RBM47: variants seen among roughly 807,000 people sequenced by gnomAD.
The protein encoded by RBM47 is RNA binding motif protein 47.
Under a neutral mutation model 47.1 loss-of-function variants are expected in RBM47, and 21 were observed. The observed-to-expected ratio is 0.45, with a 90% CI of 0.32 to 0.64. The LOEUF is 0.64. Among genes scored for constraint, RBM47 ranks in the 30% least tolerant of loss-of-function variants. The pLI, the probability that RBM47 is intolerant of heterozygous loss-of-function variation, is 0.05. For missense variants in RBM47, 708 were observed against 870.9 expected (o/e 0.81, Z 2.35); for synonymous variants, 375 against 361.7 (o/e 1.04, Z -0.42).
intron 3 of RBM47, among the ~76,000 whole-genome samples, chr4:40,459,504 T>C (rs534757139): frequency 2.6e-5 from 4 of 152,174 alleles, no homozygotes; most frequent in African/African-American, 9.6e-5. Context: ...AGTTCAAGGC[T>C]GCATTGAGCT....
chr4:40,466,381 T>C (rs1718034450), intron 3 of RBM47, among the ~76,000 whole-genome samples, 196 bp downstream of exon 3: 1 of 151,514 alleles, frequency 6.6e-6, no homozygotes, highest in Admixed American at 6.6e-5. Flanking sequence ...GTCACAAAGA[T>C]GTAAAGTGTA....
chr4:40,602,806 AT>A (rs923734800), intron 1 of RBM47, among the ~76,000 whole-genome samples: 11 of 152,030 alleles, frequency 7.2e-5, no homozygotes, highest in African/African-American at 2.7e-4. Flanking sequence ...AAAAGTTTTT[AT>A]TTTTGCAAAT....
intron 2 of RBM47, among the ~76,000 whole-genome samples, chr4:40,534,796 A>G (rs984737031): frequency 1.3e-5 from 2 of 152,084 alleles, no homozygotes; most frequent in South Asian, 2.1e-4. Flanking sequence ...TTAGCCAGGC[A>G]TGGTGGCGGG....
In RBM47 at chr4:40,438,965, T is replaced by C. The variant is rs1273754930; in HGVS notation, c.-31-41A>G. Reference sequence around the variant, plus strand: ...GAAGCGTGAGTGGGGAACCGCTGGATCTTGCCTCTTTTGGGTTGTGTTTCG... The same window carrying C: ...GAAGCGTGAGTGGGGAACCGCTGGACCTTGCCTCTTTTGGGTTGTGTTTCG... On this transcript the variant is annotated intron_variant, in intron 3 of 6. Coordinates refer to ENST00000295971, the MANE Select transcript of RBM47 (RefSeq NM_001098634.2). The C allele has an allele frequency of 9.7e-6, 14 of 1,437,152 alleles. No homozygotes were observed. The African/African-American group carries it at 1.3e-4, about 13-fold the overall frequency. 89.0% of individuals were successfully genotyped at this position (1,437,152 alleles called of 1,614,324 possible).
chr4:40,573,152 C>CAAAAAA (rs369450436), intron 1 of RBM47, among the ~76,000 whole-genome samples: 2 of 63,892 alleles, frequency 3.1e-5, no homozygotes, highest in African/African-American at 4.6e-5. Context: ...GACTTCATCT[C>CAAAAAA]AAAAAAAAAA....
At chr4:40,515,308 TAG>T (rs1725438451) in intron 2 of RBM47, among the ~76,000 whole-genome samples, 1 of 152,036 alleles carries the variant, frequency 6.6e-6, no homozygotes, top group East Asian at 1.9e-4. Flanking sequence ...AAACTACCTA[TAG>T]AGATTGCTAG....
At chr4:40,474,622 T>A (rs1374803557) in intron 2 of RBM47, among the ~76,000 whole-genome samples, 1 of 152,204 alleles carries the variant, frequency 6.6e-6, no homozygotes, top group Admixed American at 6.5e-5. Context: ...AATGAAATAT[T>A]TAAATACATT....
intron 1 of RBM47, among the ~76,000 whole-genome samples, chr4:40,588,594 T>C (rs1661965245): frequency 6.6e-6 from 1 of 152,168 alleles, no homozygotes; most frequent in South Asian, 2.1e-4. Context: ...GGTATGGTGG[T>C]AGCTAGACTT....
At chr4:40,600,985 CAAA>C (rs56054491) in intron 1 of RBM47, among the ~76,000 whole-genome samples, 7 of 50,128 alleles carry the variant, frequency 1.4e-4, no homozygotes, top group South Asian at 8.5e-4. Context: ...AACTCCGTCT[CAAA>C]AAAAAAAAAA....
chr4:40,499,720 T>G (rs1275267847), intron 2 of RBM47, among the ~76,000 whole-genome samples: 4 of 152,190 alleles, frequency 2.6e-5, no homozygotes, highest in African/African-American at 9.6e-5. Context: ...TTATTAGAAT[T>G]TAAAAAATTA....
At chr4:40,566,415 G>A (rs1260923069) in intron 1 of RBM47, among the ~76,000 whole-genome samples, 3 of 152,144 alleles carry the variant, frequency 2.0e-5, no homozygotes, top group Non-Finnish European at 4.4e-5. Flanking sequence ...GGGAGGCTGA[G>A]GTGGGTGGAT....
intron 1 of RBM47, among the ~76,000 whole-genome samples, chr4:40,607,425 G>A (rs1490713343): frequency 6.6e-6 from 1 of 152,134 alleles, no homozygotes; most frequent in East Asian, 1.9e-4. Flanking sequence ...TCTGGAATAG[G>A]GCGGAGCATG....
intron 1 of RBM47, among the ~76,000 whole-genome samples, chr4:40,608,358 C>T (rs6837415): frequency 0.28 from 43,124 of 151,900 alleles, 7,521 homozygotes; most frequent in Non-Finnish European, 0.37. Context: ...CTCAGCAGAG[C>T]GACCAATAGG....
At chr4:40,510,632 C>T (rs1483433337) in intron 2 of RBM47, among the ~76,000 whole-genome samples, 1 of 152,028 alleles carries the variant, frequency 6.6e-6, no homozygotes, top group Non-Finnish European at 1.5e-5. Flanking sequence ...CAGAGTGAGC[C>T]ATTAGTAAGT....
chr4:40,483,527 T>C (rs1440867997), intron 2 of RBM47, among the ~76,000 whole-genome samples: 1 of 152,152 alleles, frequency 6.6e-6, no homozygotes, highest in Non-Finnish European at 1.5e-5. Flanking sequence ...TGCTTTTCTG[T>C]TTTTTAAGAT....
At chr4:40,469,433 ATT>A (rs55864514) in intron 2 of RBM47, among the ~76,000 whole-genome samples, 2,150 of 128,746 alleles carry the variant, frequency 0.017, 44 homozygotes, top group African/African-American at 0.054. Context: ...CCATTCCATA[ATT>A]TTTTTTTTTT....
At chr4:40,538,862 T>C (rs2154261285) in intron 2 of RBM47, among the ~76,000 whole-genome samples, 1 of 152,184 alleles carries the variant, frequency 6.6e-6, no homozygotes, top group African/African-American at 2.4e-5. Flanking sequence ...TTCGAACTCC[T>C]GACCTCAAAA....
At chr4:40,453,671 C>A (rs1715790636) in intron 3 of RBM47, among the ~76,000 whole-genome samples, 1 of 152,038 alleles carries the variant, frequency 6.6e-6, no homozygotes, top group Non-Finnish European at 1.5e-5. Context: ...GGATACTGTC[C>A]CACCCCATGT....
chr4:40,460,509 C>T (rs530680097), intron 3 of RBM47, among the ~76,000 whole-genome samples: 1 of 152,296 alleles, frequency 6.6e-6, no homozygotes, highest in Non-Finnish European at 1.5e-5. Flanking sequence ...TCAGTTCACT[C>T]AACTGGAAAA....
Sources: allele counts gnomAD v4.1 joint callset (sites outside exome capture counted in the v4.1 genomes callset), GRCh38; gene constraint gnomAD v4.1.1; transcripts MANE v1.5; gene names NCBI Gene and HGNC (gene_info 2026-07-23, HGNC 2026-07-21).